SIM1: variants seen among roughly 807,000 people sequenced by gnomAD.
SIM1 encodes the protein single-minded homolog 1.
Under a neutral mutation model 78.2 loss-of-function variants are expected in SIM1, and 18 were observed. That is an observed-to-expected ratio of 0.23 (90% confidence interval 0.16 to 0.34). The LOEUF is 0.34. SIM1 is among the 10% of genes least tolerant of loss of function. The pLI is 1.00. For synonymous variants in SIM1, 417 were observed against 385.2 expected (o/e 1.08, Z -0.97); for missense variants, 939 against 975.1 (o/e 0.96, Z 0.49).
chr6:100,447,174 C>T (rs1298607794), intron 9 of SIM1, 94 bp downstream of exon 9: 7 of 1,450,142 alleles, frequency 4.8e-6, no homozygotes, highest in Non-Finnish European at 5.6e-6. Flanking sequence ...CCCCGTGGCC[C>T]GAGCCTTGTC....
intron 10 of SIM1, chr6:100,394,147 C>G: frequency 2.7e-6 from 1 of 366,582 alleles, no homozygotes; most frequent in South Asian, 5.5e-5. Context: ...TGGCAACCAT[C>G]GACTGAAGTA....
At chr6:100,409,116 T>G (rs1270205275) in intron 10 of SIM1, among the ~76,000 whole-genome samples, 4 of 152,176 alleles carry the variant, frequency 2.6e-5, no homozygotes, top group Admixed American at 2.0e-4. Flanking sequence ...TTCTTTTTTT[T>G]TACATACTTT....
intron 10 of SIM1, among the ~76,000 whole-genome samples, chr6:100,402,334 G>T (rs1298403024): frequency 6.6e-6 from 1 of 152,104 alleles, no homozygotes; most frequent in Non-Finnish European, 1.5e-5. Context: ...AAGAAATCAG[G>T]CCACTAGCCA....
chr6:100,435,476 T>C (rs1404251425), intron 9 of SIM1, among the ~76,000 whole-genome samples: 2 of 152,070 alleles, frequency 1.3e-5, no homozygotes, highest in Non-Finnish European at 2.9e-5. Flanking sequence ...TTCTCTGGCC[T>C]CTCACACAAA....
At chr6:100,442,096 A>G (rs1016365191) in intron 9 of SIM1, among the ~76,000 whole-genome samples, 6 of 152,258 alleles carry the variant, frequency 3.9e-5, no homozygotes, top group Admixed American at 6.5e-5. Flanking sequence ...ACCACTGTGC[A>G]GAGCCATCAA....
At position 100,385,074 on chromosome 6, in the gene SIM1, G is replaced by A. The variant is rs187296701; in HGVS notation, c.*5287C>T. On this transcript the variant is annotated 3_prime_UTR_variant, in exon 12 of 12. Transcript: ENST00000369208. The stretch of plus-strand genomic sequence containing the variant: ...TCCTCACATAATAAATACATTTTAT[G>A]CACATTAACTTCGAATTTACTTCAG... The A allele has an allele frequency of 7.2e-5, 11 of 152,022 alleles. No homozygotes were observed. Among genetic ancestry groups the A allele is most frequent in the Middle Eastern group, 3.4e-3 (1 of 294 alleles). The allele number at this position is 152,022 out of a possible 1,614,324, so 9.4% of individuals were successfully genotyped here.
At chr6:100,441,719 G>A (rs76984244) in intron 9 of SIM1, among the ~76,000 whole-genome samples, 2,945 of 152,182 alleles carry the variant, frequency 0.019, 52 homozygotes, top group Non-Finnish European at 0.029. Flanking sequence ...GAAAAAATGA[G>A]ACATTCTTAA....
intron 2 of SIM1, among the ~76,000 whole-genome samples, chr6:100,454,133 G>A (rs1772585876): frequency 1.3e-5 from 2 of 152,180 alleles, no homozygotes; most frequent in Non-Finnish European, 2.9e-5. Flanking sequence ...CTCCAACATT[G>A]CACCCCACCG....
chr6:100,412,803 C>T lies in SIM1; in HGVS notation c.1167+7987G>A, dbSNP rs945522432. ...AAAGAGAGAACGAAGGAAGGAAGGA[C>T]GGACGGACGGAAGGAAGGAAAGTCA... On this transcript the variant is annotated intron_variant, in intron 10 of 11. Transcript: ENST00000369208. 4.0e-5 allele frequency among the ~76,000 whole-genome samples: 6 copies of T among 151,488 alleles called. No individual in the cohort carries two copies. In the South Asian group the frequency reaches 1.3e-3, roughly 32 times the overall value.
chr6:100,387,310 A>C lies in SIM1; in HGVS notation c.*3051T>G, dbSNP rs1770537781. The C allele has an allele frequency of 6.6e-6, 1 of 152,056 alleles. No homozygotes were observed. The highest frequency in any genetic ancestry group is 2.4e-5 in the African/African-American group (1 of 41,438). The allele number at this position is 152,056 out of a possible 1,614,324, so 9.4% of individuals were successfully genotyped here. A position where few individuals can be genotyped will look rare whatever the true frequency, so the allele number is the denominator to read the frequency against. ...CAAGAATTAAAACTAAAGCCATATT[A>C]AGTTTAACTGATTAAATTATCGGGA... On this transcript the variant is annotated 3_prime_UTR_variant, in exon 12 of 12. Transcript: ENST00000369208.
chr6:100,418,383 T>TAAATAAATA (rs1460412211), intron 10 of SIM1, among the ~76,000 whole-genome samples: 1 of 150,838 alleles, frequency 6.6e-6, no homozygotes, highest in East Asian at 1.9e-4. Context: ...AATAAATAAA[T>TAAATAAATA]AAATAAAATA....
intron 10 of SIM1, among the ~76,000 whole-genome samples, chr6:100,414,171 A>G (rs187911344): frequency 1.3e-5 from 2 of 152,374 alleles, no homozygotes; most frequent in Admixed American, 1.3e-4. Flanking sequence ...ATGGATGGGC[A>G]GAAGCCAACA....
rs142090591 is a variant in SIM1 at position 100,420,039 on chromosome 6, G to T, written c.1167+751C>A. On this transcript the variant is annotated intron_variant, in intron 10 of 11. Transcript: ENST00000369208. Reference sequence around the variant, plus strand: ...ATGCTATTAAAAGAGAAGGTTGGAGGTGAGGTGGCCACAGGATATTGGGAG... The same window carrying T: ...ATGCTATTAAAAGAGAAGGTTGGAGTTGAGGTGGCCACAGGATATTGGGAG... Among the ~76,000 whole-genome samples the T allele has an allele frequency of 2.0e-3, 299 of 152,326 alleles. 6 individuals carry two copies. The South Asian group carries it at 0.027, about 14-fold the overall frequency.
rs75923757 is a variant in SIM1, at chr6:100,408,933, T to C, written c.1167+11857A>G. Among the ~76,000 whole-genome samples the C allele has an allele frequency of 7.2e-3, 1,098 of 152,204 alleles. 18 individuals carry two copies. Among genetic ancestry groups the C allele is most frequent in the African/African-American group, 0.025 (1,050 of 41,542 alleles). ...GTAATGTTGGCCTTGTAAAATGAGT[T>C]TGGAAATGTTTCTTCTTCAATTTTT... On this transcript the variant is annotated intron_variant, in intron 10 of 11. Coordinates refer to ENST00000369208, the MANE Select transcript of SIM1 (RefSeq NM_005068.3).
intron 9 of SIM1, among the ~76,000 whole-genome samples, chr6:100,432,563 A>G (rs1021367777): frequency 2.0e-5 from 3 of 152,060 alleles, no homozygotes; most frequent in East Asian, 1.9e-4. Flanking sequence ...CTCACTGCAT[A>G]TCTTCCACTG....
chr6:100,395,309 G>A (rs1356158495), intron 10 of SIM1, among the ~76,000 whole-genome samples: 2 of 152,098 alleles, frequency 1.3e-5, no homozygotes, highest in East Asian at 1.9e-4. Context: ...ACATTTTGTC[G>A]TTTAATCCTC....
rs559747901 is a variant in SIM1 at position 100,385,194 on chromosome 6, A to G, written c.*5167T>C. The G allele has an allele frequency of 8.5e-5, 13 of 152,216 alleles. No homozygotes were observed. In the East Asian group the frequency reaches 2.3e-3, roughly 27 times the overall value. The allele number at this position is 152,216 out of a possible 1,614,324, so 9.4% of individuals were successfully genotyped here. On this transcript the variant is annotated 3_prime_UTR_variant, in exon 12 of 12. Transcript: ENST00000369208. ...TTTCTACTTTACATTCCAAAGTAAA[A>G]TTTCAAATTACAGCTTTATACTACA... is the stretch of plus-strand genomic sequence containing the variant.
chr6:100,442,972 G>T (rs929233690), intron 9 of SIM1, among the ~76,000 whole-genome samples: 8 of 151,982 alleles, frequency 5.3e-5, no homozygotes, highest in Admixed American at 4.6e-4. Flanking sequence ...AACTACAGTG[G>T]TTCTCATAAT....
At chr6:100,446,229 A>G (rs965514626) in intron 9 of SIM1, among the ~76,000 whole-genome samples, 9 of 152,242 alleles carry the variant, frequency 5.9e-5, no homozygotes, top group African/African-American at 2.2e-4. Context: ...AATTTAAAAC[A>G]ACGTGAAACG....
Sources: allele counts gnomAD v4.1 joint callset (sites outside exome capture counted in the v4.1 genomes callset), GRCh38; gene constraint gnomAD v4.1.1; transcripts MANE v1.5; gene names NCBI Gene and HGNC (gene_info 2026-07-23, HGNC 2026-07-21).